SCNN1G: variants seen among roughly 807,000 people sequenced by gnomAD.
The protein encoded by SCNN1G is sodium channel epithelial 1 subunit gamma.
In SCNN1G, 27 loss-of-function variants were observed where a neutral mutation model predicts 64.6. The observed-to-expected ratio is 0.42, with a 90% CI of 0.31 to 0.58. SCNN1G has a LOEUF of 0.58. Among genes scored for constraint, SCNN1G ranks in the 20% least tolerant of loss-of-function variants. SCNN1G has a pLI of 0.18. For synonymous variants in SCNN1G, 330 were observed against 314.2 expected, an observed-to-expected ratio of 1.05 and a Z score of -0.53; for missense variants, 743 against 823.4, an observed-to-expected ratio of 0.90 and a Z score of 1.19.
chr16:23,186,064 A>C (rs1329015032), intron 1 of SCNN1G, among the ~76,000 whole-genome samples, 164 bp from the exon 2 acceptor site: 1 of 152,216 alleles, frequency 6.6e-6, no homozygotes, highest in Non-Finnish European at 1.5e-5. Flanking sequence ...TCCCGTGGAA[A>C]AGGGGCCAAG....
rs1555475090 is a variant in SCNN1G, at chr16:23,205,717, AAG to A, written c.1078-4032_1078-4031del. 2.6e-5 allele frequency among the ~76,000 whole-genome samples: 4 copies of A among 151,388 alleles called. No homozygotes were observed. In the East Asian group the frequency reaches 7.8e-4, roughly 29 times the overall value. ...TCCATCTCCAAGAAAAAAAAAAAAA[AAG>A]TCCCTCCCAGGTCTGCACAGGTTCA... On this transcript the variant is annotated intron_variant, in intron 6 of 12. Coordinates refer to ENST00000300061, the MANE Select transcript of SCNN1G (RefSeq NM_001039.4).
In SCNN1G at chr16:23,215,013, T is replaced by C. The variant is rs1430902375; in HGVS notation, c.1570-76T>C. 4.5e-6 allele frequency: 7 copies of C among 1,568,524 alleles called. No homozygotes were observed. The Admixed American group carries it at 1.2e-4, about 26-fold the overall frequency. ...GGTCGGGGCTGACCCGTGGCTCCCT[T>C]GGGAATCAGGGTTCCTGTGTGAGGC... On this transcript the variant is annotated intron_variant, in intron 12 of 12. Coordinates refer to ENST00000300061, the MANE Select transcript of SCNN1G (RefSeq NM_001039.4).
chr16:23,190,338 C>A (rs1293478182), intron 3 of SCNN1G, among the ~76,000 whole-genome samples: 1 of 150,820 alleles, frequency 6.6e-6, no homozygotes, highest in East Asian at 1.9e-4. Context: ...CAGCTGCAAA[C>A]AACTGAAACT....
At chr16:23,187,903 A>C (rs965191308) in intron 2 of SCNN1G, among the ~76,000 whole-genome samples, 2 of 152,150 alleles carry the variant, frequency 1.3e-5, no homozygotes, top group Non-Finnish European at 2.9e-5. Context: ...TTATCAAACG[A>C]AACTAACTTG....
At chr16:23,197,074 G>A (rs569037490) in intron 5 of SCNN1G, among the ~76,000 whole-genome samples, 190 bp from the exon 6 acceptor site, 1 of 152,328 alleles carries the variant, frequency 6.6e-6, no homozygotes, top group African/African-American at 2.4e-5. Flanking sequence ...AAGCTGTGGG[G>A]GCACAGCAGA....
At chr16:23,203,769 CAAAAAAAAAAA>C (rs71151702) in intron 6 of SCNN1G, among the ~76,000 whole-genome samples, 10 of 42,268 alleles carry the variant, frequency 2.4e-4, no homozygotes, top group Admixed American at 2.3e-3. Context: ...GACTCCGTCT[CAAAAAAAAAAA>C]AAAAAAAAAA....
rs202104927 is a variant in SCNN1G at position 23,209,803 on chromosome 16, T to G, written c.1131T>G (p.Ser377Arg). The G allele has an allele frequency of 5.0e-6, 8 of 1,613,654 alleles. No individual in the cohort carries two copies. The highest frequency in any genetic ancestry group is 6.8e-6 in the Non-Finnish European group (8 of 1,179,900). ...EPYSQCTEDG[S>R]DVPIRNIYNA... ...ACAGTCAGTGCACGGAGGACGGGAG[T>G]GACGTGCCAATCAGGAACATCTACA... The change falls in exon 7 of 13, where the codon AGT becomes AGG. Residue 377 changes from serine to arginine, a missense_variant. Physicochemically the swap from Ser to Arg is moderately radical, Grantham distance 110. Coordinates refer to ENST00000300061, the MANE Select transcript of SCNN1G (RefSeq NM_001039.4).
chr16:23,192,453 G>A lies in SCNN1G; in HGVS notation c.720G>A (p.Gln240=). 6.2e-7 allele frequency: 1 copy of A among 1,613,892 alleles called. No individual in the cohort carries two copies. The change falls in exon 4 of 13, where the codon CAG becomes CAA. Residue 240 remains glutamine (Q), a synonymous_variant. Coordinates refer to ENST00000300061, the MANE Select transcript of SCNN1G (RefSeq NM_001039.4). ...TACACTACATGAACATCATGGCACA[G>A]GTGCCTCTGGAGAAGAAAATCAACA... is the stretch of plus-strand genomic sequence containing the variant. ...YKLHYMNIMA[Q]VPLEKKINMS... is the part of the protein sequence containing the mutation.
chr16:23,186,644 A>T (rs1959612060), intron 2 of SCNN1G, 56 bp downstream of exon 2: 1 of 1,481,034 alleles, frequency 6.8e-7, no homozygotes. Flanking sequence ...CACAGAGGCC[A>T]AAGCCCCTCC....
chr16:23,189,929 G>A (rs1959679535), intron 3 of SCNN1G, among the ~76,000 whole-genome samples: 2 of 152,142 alleles, frequency 1.3e-5, no homozygotes, highest in South Asian at 2.1e-4. Flanking sequence ...AATTAGCTGG[G>A]CATGGTGGCA....
At position 23,209,810 on chromosome 16, in the gene SCNN1G, C is replaced by T; in HGVS notation, c.1138C>T (p.Pro380Ser). The T allele has an allele frequency of 6.2e-7, 1 of 1,613,968 alleles. No homozygotes were observed. The highest frequency in any genetic ancestry group is 8.5e-7 in the Non-Finnish European group (1 of 1,179,862). The change falls in exon 7 of 13, where the codon CCA (proline) becomes TCA (serine). Residue 380 changes from proline (P) to serine (S), a missense_variant. By Grantham distance (74) the Pro-to-Ser change is moderately conservative. Transcript: ENST00000300061. Reference protein sequence around the residue: ...SQCTEDGSDVPIRNIYNAAYS... With the variant: ...SQCTEDGSDVSIRNIYNAAYS... The stretch of plus-strand genomic sequence containing the variant: ...GTGCACGGAGGACGGGAGTGACGTG[C>T]CAATCAGGAACATCTACAACGCTGC...
intron 8 of SCNN1G, among the ~76,000 whole-genome samples, chr16:23,212,395 C>G (rs1249884433): frequency 6.6e-6 from 1 of 152,152 alleles, no homozygotes; most frequent in Non-Finnish European, 1.5e-5. Flanking sequence ...GAATAGATAA[C>G]CAAGGCCCAG....
rs1349718799 is a variant in SCNN1G at position 23,197,562 on chromosome 16, T to C, written c.1077+135T>C. ...ACATGGTCCCAGATTTTCCCATGGT[T>C]ATCCCATTCATTTCAGGAGTTACAT... On this transcript the variant is annotated intron_variant, in intron 6 of 12. Transcript: ENST00000300061. 3.7e-6 allele frequency: 3 copies of C among 807,016 alleles called. No individual in the cohort carries two copies. The African/African-American group carries it at 5.1e-5, about 14-fold the overall frequency. 50.0% of individuals were successfully genotyped at this position (807,016 alleles called of 1,614,324 possible).
chr16:23,202,689 G>A (rs1169736806), intron 6 of SCNN1G, among the ~76,000 whole-genome samples: 1 of 152,228 alleles, frequency 6.6e-6, no homozygotes, highest in Non-Finnish European at 1.5e-5. Context: ...AGAGGAAATA[G>A]ATTTCACGGA....
chr16:23,187,963 T>G (rs1352770418), intron 2 of SCNN1G, among the ~76,000 whole-genome samples: 1 of 152,188 alleles, frequency 6.6e-6, no homozygotes, highest in Non-Finnish European at 1.5e-5. Context: ...AGATCAAGTC[T>G]AAGACTCTCT....
intron 3 of SCNN1G, among the ~76,000 whole-genome samples, chr16:23,191,231 C>A (rs1041965900): frequency 6.6e-6 from 1 of 152,150 alleles, no homozygotes; most frequent in African/African-American, 2.4e-5. Flanking sequence ...CCTCTCCATG[C>A]CCCAGCCACC....
chr16:23,209,344 C>T (rs559684538), intron 6 of SCNN1G, among the ~76,000 whole-genome samples: 1 of 152,278 alleles, frequency 6.6e-6, no homozygotes, highest in South Asian at 2.1e-4. Flanking sequence ...CCACGCTAAG[C>T]CAACAGGTCC....
chr16:23,210,128 G>A lies in SCNN1G; in HGVS notation c.1176+280G>A, dbSNP rs569576646. ...GCCTTGGCAAGGGAGGAACAGGAAAGAAGCGGTCTGGGAGAGACACTGGCT... is the reference window on the plus strand; with the variant it reads ...GCCTTGGCAAGGGAGGAACAGGAAAAAAGCGGTCTGGGAGAGACACTGGCT... On this transcript the variant is annotated intron_variant, in intron 7 of 12. Transcript: ENST00000300061. Among the ~76,000 whole-genome samples, 6 of 152,326 alleles carry A rather than the reference G, an allele frequency of 3.9e-5. No individual in the cohort carries two copies. In the East Asian group the frequency reaches 5.8e-4, roughly 15 times the overall value.
chr16:23,210,838 C>A (rs767035876), intron 7 of SCNN1G, among the ~76,000 whole-genome samples: 1 of 151,956 alleles, frequency 6.6e-6, no homozygotes, highest in African/African-American at 2.4e-5. Context: ...TTGAGACCAG[C>A]CTGGGCAACA....
Sources: allele counts gnomAD v4.1 joint callset (sites outside exome capture counted in the v4.1 genomes callset), GRCh38; gene constraint gnomAD v4.1.1; transcripts MANE v1.5; gene names NCBI Gene and HGNC (gene_info 2026-07-23, HGNC 2026-07-21).